The following SLC29A3 variants were observed in gnomAD, a reference collection of about 807,000 sequenced individuals.
SLC29A3 encodes the protein solute carrier family 29 member 3, also known as equilibrative nucleoside transporter 3.
Under a neutral mutation model 25.4 loss-of-function variants are expected in SLC29A3, and 18 were observed. That is an observed-to-expected ratio of 0.71 (90% CI 0.49 to 1.05). The LOEUF (loss-of-function observed/expected upper bound fraction) is 1.05. Among genes scored for constraint, SLC29A3 ranks in the 50% least tolerant of loss-of-function variants. SLC29A3 has a pLI of 0.00. For missense variants in SLC29A3, 586 were observed against 609.0 expected (o/e 0.96, Z 0.40); for synonymous variants, 258 against 267.1 (o/e 0.97, Z 0.33).
At chr10:71,363,892 C>T (rs977621389), downstream of SLC29A3, among the ~76,000 whole-genome samples, 1 of 147,386 alleles carries the variant, frequency 6.8e-6, no homozygotes, top group African/African-American at 2.5e-5. Context: ...TCACTGCAAC[C>T]TTGAGGATGT....
intron 5 of SLC29A3, 46 bp from the exon 6 acceptor site, chr10:71,361,908 G>T (rs770109207): frequency 6.2e-7 from 1 of 1,611,020 alleles, no homozygotes; most frequent in Non-Finnish European, 8.5e-7. Flanking sequence ...TGCTGACTCA[G>T]ATCCCAAGCA....
chr10:71,363,298 T>C lies in SLC29A3; in HGVS notation c.*690T>C, dbSNP rs1201441607. 2.2e-6 allele frequency: 1 copy of C among 454,006 alleles called. No individual in the cohort carries two copies. The highest frequency in any genetic ancestry group is 4.4e-6 in the Non-Finnish European group (1 of 226,802). The allele number at this position is 454,006 out of a possible 1,614,324, so 28.1% of individuals were successfully genotyped here. ...CCTCATGACCTGGTGGTCTATGGCC[T>C]GGGTCAAGATGAGGGTCTTTCAGTG... On this transcript the variant is annotated 3_prime_UTR_variant, in exon 6 of 6. Coordinates refer to ENST00000373189, the MANE Select transcript of SLC29A3 (RefSeq NM_018344.6).
chr10:71,356,146 G>A lies in SLC29A3; in HGVS notation c.676G>A (p.Val226Met), dbSNP rs750920341. 16 of 1,614,176 alleles carry A rather than the reference G, an allele frequency of 9.9e-6. No homozygotes were observed. The highest frequency in any genetic ancestry group is 4.4e-5 in the South Asian group (4 of 91,092). ...SLVDLAASSD[V>M]RNSALAFFLT... Reference sequence around the variant, plus strand: ...GGTGGACTTGGCTGCATCCAGTGATGTGAGGAACAGCGCCCTGGCCTTCTT... The same window carrying A: ...GGTGGACTTGGCTGCATCCAGTGATATGAGGAACAGCGCCCTGGCCTTCTT... The change falls in exon 5 of 6, where the codon GTG becomes ATG. Residue 226 changes from valine (V) to methionine (M), a missense_variant. Transcript: ENST00000373189.
intron 4 of SLC29A3, among the ~76,000 whole-genome samples, chr10:71,377,538 C>T (rs7907766): frequency 0.23 from 35,033 of 152,110 alleles, 4,150 homozygotes; most frequent in African/African-American, 0.28. Context: ...AGCCAATGCC[C>T]GCGCGGGGGC....
chr10:71,379,414 A>G (rs1002302444), intron 4 of SLC29A3, among the ~76,000 whole-genome samples: 1 of 152,236 alleles, frequency 6.6e-6, no homozygotes, highest in Non-Finnish European at 1.5e-5. Flanking sequence ...AATGTCCCAA[A>G]CAGGCCAGTT....
intron 2 of SLC29A3, among the ~76,000 whole-genome samples, chr10:71,339,074 G>A (rs1304253049): frequency 1.3e-5 from 2 of 152,220 alleles, no homozygotes; most frequent in African/African-American, 4.8e-5. Context: ...AAAAGATGCT[G>A]CCACCAGCAC....
rs529093699 is a variant in SLC29A3, at chr10:71,353,549, A to T, written c.610+1761A>T. On this transcript the variant is annotated intron_variant, in intron 4 of 5. Transcript: ENST00000373189. ...GGGGAGTCTCCTATGGATTTTTCAG[A>T]AAGTCCGTTCAGAAAAGTGGGGAAG... Among the ~76,000 whole-genome samples the T allele has an allele frequency of 1.2e-3, 181 of 152,226 alleles. 1 individual carries two copies. Among genetic ancestry groups the T allele is most frequent in the African/African-American group, 4.2e-3 (174 of 41,532 alleles).
At chr10:71,377,804 C>T (rs191369462) in intron 4 of SLC29A3, among the ~76,000 whole-genome samples, 17 of 151,998 alleles carry the variant, frequency 1.1e-4, no homozygotes, top group Non-Finnish European at 2.9e-5. Context: ...CACTTACTGT[C>T]GGCCTGGCTC....
At chr10:71,360,059 G>A (rs1251922916) in intron 5 of SLC29A3, among the ~76,000 whole-genome samples, 1 of 151,800 alleles carries the variant, frequency 6.6e-6, no homozygotes, top group Non-Finnish European at 1.5e-5. Context: ...ATGTGTTGAA[G>A]GGCTACTCCG....
At chr10:71,328,371 G>A (rs1846021460) in intron 2 of SLC29A3, among the ~76,000 whole-genome samples, 1 of 152,210 alleles carries the variant, frequency 6.6e-6, no homozygotes, top group Admixed American at 6.5e-5. Context: ...GGTCTTCAGA[G>A]CTGCATCATA....
At chr10:71,372,881 C>G (rs377569056) in intron 3 of SLC29A3, among the ~76,000 whole-genome samples, 1 of 152,234 alleles carries the variant, frequency 6.6e-6, no homozygotes, top group African/African-American at 2.4e-5. Context: ...AGCTGAGGCC[C>G]AACACCATCA....
At chr10:71,334,311 C>T (rs1268528576) in intron 2 of SLC29A3, among the ~76,000 whole-genome samples, 7 of 152,188 alleles carry the variant, frequency 4.6e-5, no homozygotes, top group East Asian at 1.9e-4. Context: ...ATGGGCTGAC[C>T]GAAGGCCGAC....
intron 3 of SLC29A3, among the ~76,000 whole-genome samples, chr10:71,350,314 C>CGTGTGTGTGTGT (rs775651402): frequency 0.011 from 1,542 of 142,544 alleles, 9 homozygotes; most frequent in Middle Eastern, 0.014. Flanking sequence ...TTCACACCTA[C>CGTGTGTGTGTGT]GTGTGTGTGT....
At chr10:71,348,747 T>C (rs1345056916) in intron 3 of SLC29A3, among the ~76,000 whole-genome samples, 2 of 152,136 alleles carry the variant, frequency 1.3e-5, no homozygotes, top group African/African-American at 4.8e-5. Flanking sequence ...CTGCAGACCT[T>C]GAGAAGATGT....
chr10:71,327,293 G>A (rs562701748), intron 2 of SLC29A3, among the ~76,000 whole-genome samples: 6 of 152,320 alleles, frequency 3.9e-5, no homozygotes, highest in African/African-American at 1.4e-4. Flanking sequence ...GGCTTAGAAA[G>A]TATCCTGCTC....
In SLC29A3 at chr10:71,374,565, T is replaced by G. The variant is rs186770680; in HGVS notation, c.*95-1130T>G. Among the ~76,000 whole-genome samples the G allele has an allele frequency of 1.8e-4, 27 of 152,208 alleles. No homozygotes were observed. The East Asian group carries it at 5.0e-3, about 28-fold the overall frequency. The stretch of plus-strand genomic sequence containing the variant: ...GGGAAGCAGGCCTGAGAAGCCTAGA[T>G]TTTTGGGCAGAGAACTACAAGAAGA... On this transcript the variant is annotated intron_variant and NMD_transcript_variant, in intron 3 of 4. Transcript: ENST00000642772.
In SLC29A3 at chr10:71,346,437, A is replaced by T. The variant is rs371396731; in HGVS notation, c.383+2146A>T. ...AGCCAGGCGGAGTGCAGTGGCTCAA[A>T]CCTGTAATCTCAGCACTTTGGGAGG... is the stretch of plus-strand genomic sequence containing the variant. On this transcript the variant is annotated intron_variant, in intron 3 of 5. Transcript: ENST00000373189. Among the ~76,000 whole-genome samples the T allele has an allele frequency of 5.9e-5, 9 of 152,276 alleles. No homozygotes were observed. The East Asian group carries it at 1.5e-3, about 26-fold the overall frequency.
rs752133393 is a variant in SLC29A3, at chr10:71,361,959, A to C, written c.779A>C (p.Tyr260Ser). ...LLSRLEYARY[Y>S]MRPVLAAHVF... ...GCCCTGTCTCCTCCCTGCAGGTACT[A>C]CATGAGGCCTGTTCTTGCGGCCCAT... is the stretch of plus-strand genomic sequence containing the variant. The change falls in exon 6 of 6, where the codon TAC becomes TCC. Residue 260 changes from tyrosine (Y) to serine (S), a missense_variant. Transcript: ENST00000373189. 8 of 1,614,042 alleles carry C rather than the reference A, an allele frequency of 5.0e-6. No individual in the cohort carries two copies. The South Asian group carries it at 8.8e-5, about 18-fold the overall frequency.
chr10:71,368,022 A>G (rs1847183501), downstream of SLC29A3, among the ~76,000 whole-genome samples: 1 of 152,194 alleles, frequency 6.6e-6, no homozygotes, highest in South Asian at 2.1e-4. Flanking sequence ...CAGGAGTTCA[A>G]GACCAGCCTG....
Sources: allele counts gnomAD v4.1 joint callset (sites outside exome capture counted in the v4.1 genomes callset), GRCh38; gene constraint gnomAD v4.1.1; transcripts MANE v1.5; gene names NCBI Gene and HGNC (gene_info 2026-07-23, HGNC 2026-07-21).